FAM24B: variants seen among roughly 807,000 people sequenced by gnomAD.
FAM24B encodes the protein protein FAM24B.
In FAM24B, 3 loss-of-function variants were observed where a neutral mutation model predicts 2.3. The ratio of observed to expected loss-of-function variants is 1.29; its 90% CI spans 0.59 to 3.32. The LOEUF (loss-of-function observed/expected upper bound fraction) is 3.32, where lower values mean the gene tolerates loss of function less well. Among genes scored for constraint, FAM24B ranks in the 30% most tolerant of loss-of-function variants. FAM24B has a pLI of 0.03. For synonymous variants in FAM24B, 36 were observed against 46.3 expected (o/e 0.78, Z 0.90); for missense variants, 98 against 117.2 (o/e 0.84, Z 0.76).
intron 2 of FAM24B, among the ~76,000 whole-genome samples, chr10:122,852,489 G>A (rs1007824858): frequency 1.3e-5 from 2 of 152,128 alleles, no homozygotes; most frequent in African/African-American, 4.8e-5. Flanking sequence ...AAGACAACAG[G>A]AAAATTCCTT....
At chr10:122,866,968 C>T (rs1287267310) in intron 1 of FAM24B, among the ~76,000 whole-genome samples, 2 of 152,136 alleles carry the variant, frequency 1.3e-5, no homozygotes, top group African/African-American at 4.8e-5. Flanking sequence ...AGGCCTCTTG[C>T]ATGAAACAGT....
At chr10:122,867,993 G>A (rs749014870) in intron 1 of FAM24B, among the ~76,000 whole-genome samples, 7 of 152,116 alleles carry the variant, frequency 4.6e-5, no homozygotes, top group East Asian at 1.9e-4. Context: ...AAACTACTCC[G>A]AGCTAAAGGA....
chr10:122,869,829 G>A (rs1365989901), intron 1 of FAM24B, among the ~76,000 whole-genome samples: 1 of 152,096 alleles, frequency 6.6e-6, no homozygotes, highest in Non-Finnish European at 1.5e-5. Context: ...ACAAGAGAAA[G>A]GAGGGAAGAT....
intron 1 of FAM24B, among the ~76,000 whole-genome samples, chr10:122,879,276 T>G (rs1017675023): frequency 1.3e-5 from 2 of 152,094 alleles, no homozygotes; most frequent in Non-Finnish European, 2.9e-5. Flanking sequence ...CTACCTCAAC[T>G]CCCCTCTAAC....
chr10:122,858,966 T>G (rs80281000), intron 1 of FAM24B, among the ~76,000 whole-genome samples: 2,136 of 152,318 alleles, frequency 0.014, 48 homozygotes, highest in African/African-American at 0.048. Flanking sequence ...TTTTTTCTTC[T>G]TGCAGACTTC....
At chr10:122,855,032 G>A (rs1847614192) in intron 2 of FAM24B, among the ~76,000 whole-genome samples, 1 of 152,016 alleles carries the variant, frequency 6.6e-6, no homozygotes, top group Non-Finnish European at 1.5e-5. Context: ...TCCGCTCCCG[G>A]GAAACTTATC....
chr10:122,850,082 G>A (rs1391633043), intron 3 of FAM24B, among the ~76,000 whole-genome samples: 3 of 152,164 alleles, frequency 2.0e-5, no homozygotes, highest in African/African-American at 7.2e-5. Flanking sequence ...GCAGCCTACA[G>A]TGCCCAGGAC....
chr10:122,871,374 T>C (rs1456522808), intron 1 of FAM24B, among the ~76,000 whole-genome samples: 5 of 152,172 alleles, frequency 3.3e-5, no homozygotes. Flanking sequence ...AGGTAATTTA[T>C]AGATTTAATG....
intron 1 of FAM24B, among the ~76,000 whole-genome samples, chr10:122,859,077 G>A (rs1246960819): frequency 1.3e-5 from 2 of 152,182 alleles, no homozygotes; most frequent in African/African-American, 4.8e-5. Flanking sequence ...GAAGTGGACA[G>A]CACACATAAG....
At chr10:122,869,047 T>A (rs1847848900) in intron 1 of FAM24B, among the ~76,000 whole-genome samples, 2 of 152,086 alleles carry the variant, frequency 1.3e-5, no homozygotes, top group African/African-American at 2.4e-5. Flanking sequence ...CCATCTCACG[T>A]GCAGAGACAC....
At chr10:122,877,809 G>C (rs926755409) in intron 1 of FAM24B, among the ~76,000 whole-genome samples, 2 of 152,128 alleles carry the variant, frequency 1.3e-5, no homozygotes, top group African/African-American at 4.8e-5. Context: ...TTTCAGCTTT[G>C]AAAATAAGAT....
intron 3 of FAM24B, 143 bp from the exon 4 acceptor site, chr10:122,849,582 C>A: frequency 1.6e-6 from 1 of 638,218 alleles, no homozygotes; most frequent in Non-Finnish European, 2.6e-6. Flanking sequence ...CTCTCTCCCC[C>A]ATCCCAAGTT....
At chr10:122,872,261 G>T (rs1847908523) in intron 1 of FAM24B, among the ~76,000 whole-genome samples, 1 of 152,144 alleles carries the variant, frequency 6.6e-6, no homozygotes, top group Non-Finnish European at 1.5e-5. Flanking sequence ...AGTTAGAATG[G>T]CAATCAGTAA....
chr10:122,860,933 A>G (rs1847717928), intron 1 of FAM24B, among the ~76,000 whole-genome samples: 1 of 152,114 alleles, frequency 6.6e-6, no homozygotes, highest in Non-Finnish European at 1.5e-5. Flanking sequence ...TCTGGATCTA[A>G]GCCCTTTATG....
chr10:122,860,218 C>T lies in FAM24B; in HGVS notation c.-177-4432G>A, dbSNP rs79877575. Among the ~76,000 whole-genome samples, 1,205 of 152,286 alleles carry T rather than the reference C, an allele frequency of 7.9e-3. 21 individuals are homozygous for T. The highest frequency in any genetic ancestry group is 0.028 in the African/African-American group (1,150 of 41,546). ...TCAGCTTCTCCCCTATATGCCACCA[C>T]TTGGCAACCATGGATCAATTTTCCA... On this transcript the variant is annotated intron_variant, in intron 1 of 3. Coordinates refer to ENST00000368898, the MANE Select transcript of FAM24B (RefSeq NM_152644.3).
chr10:122,862,358 C>T (rs1261451375), intron 1 of FAM24B, among the ~76,000 whole-genome samples: 6 of 152,112 alleles, frequency 3.9e-5, no homozygotes, highest in Admixed American at 3.9e-4. Context: ...CTCTCATGTT[C>T]ATTTCAATGT....
chr10:122,873,703 A>C (rs571659458), intron 1 of FAM24B, among the ~76,000 whole-genome samples: 1 of 152,302 alleles, frequency 6.6e-6, no homozygotes, highest in East Asian at 1.9e-4. Context: ...CTAGTTTCTT[A>C]AGGTGAAAGC....
chr10:122,862,987 C>T (rs1445192906), intron 1 of FAM24B, among the ~76,000 whole-genome samples: 2 of 151,926 alleles, frequency 1.3e-5, no homozygotes, highest in Non-Finnish European at 2.9e-5. Context: ...AGGGGACAGG[C>T]TAAAGGAAAC....
At chr10:122,877,357 A>T (rs1847991041) in intron 1 of FAM24B, among the ~76,000 whole-genome samples, 1 of 152,018 alleles carries the variant, frequency 6.6e-6, no homozygotes, top group Admixed American at 6.6e-5. Context: ...GAAGTGGTGG[A>T]GGTCGCTAGG....
Sources: allele counts gnomAD v4.1 joint callset (sites outside exome capture counted in the v4.1 genomes callset), GRCh38; gene constraint gnomAD v4.1.1; transcripts MANE v1.5; gene names NCBI Gene and HGNC (gene_info 2026-07-23, HGNC 2026-07-21).